DCDC1: variants seen among roughly 807,000 people sequenced by gnomAD.
DCDC1 encodes the protein doublecortin domain containing 1, also known as doublecortin domain-containing protein 1.
Under a neutral mutation model 178.3 loss-of-function variants are expected in DCDC1, and 200 were observed. The ratio of observed to expected loss-of-function variants is 1.12; its 90% CI spans 1.00 to 1.26. The LOEUF (loss-of-function observed/expected upper bound fraction) is 1.26, where lower values mean the gene tolerates loss of function less well. DCDC1 is among the 50% of genes most tolerant of loss of function. The probability of loss-of-function intolerance (pLI) is 0.00; values close to 1 mark genes in which losing one functional copy is unlikely to be tolerated. For synonymous variants in DCDC1, 690 were observed against 604.8 expected (o/e 1.14, Z -2.07); for missense variants, 1,983 against 1,749.2 (o/e 1.13, Z -2.38).
rs1368901708 is a variant in DCDC1, at chr11:31,149,674, G to A, written c.1222-11890C>T. On this transcript the variant is annotated intron_variant, in intron 9 of 38. Transcript: ENST00000684477. ...CTGCGGCTTTATTCCTGAAGTCACC[G>A]AGACAACGAACCTACCAGGAGGAAC... 3.3e-5 allele frequency among the ~76,000 whole-genome samples: 5 copies of A among 152,006 alleles called. No individual in the cohort carries two copies. In the South Asian group the frequency reaches 6.3e-4, roughly 19 times the overall value.
rs202098529 is a variant in DCDC1 at position 30,864,337 on chromosome 11, G to T, written c.*1036C>A. 5.3e-5 allele frequency: 8 copies of T among 152,290 alleles called. No individual in the cohort carries two copies. In the East Asian group the frequency reaches 1.5e-3, roughly 29 times the overall value. The allele number at this position is 152,290 out of a possible 1,614,324, so 9.4% of individuals were successfully genotyped here. On this transcript the variant is annotated 3_prime_UTR_variant, in exon 39 of 39. Transcript: ENST00000684477. ...GAAACCAATATGTATAATCATCAAA[G>T]ATATATTTTAAGGATATAAGATGTC...
chr11:31,057,301 G>C (rs978076008), intron 20 of DCDC1, among the ~76,000 whole-genome samples: 4 of 151,130 alleles, frequency 2.6e-5, no homozygotes, highest in African/African-American at 9.7e-5. Flanking sequence ...AGGAAAGAAA[G>C]AAAGAAAGAG....
intron 38 of DCDC1, among the ~76,000 whole-genome samples, chr11:30,869,266 T>C (rs1423745868): frequency 2.0e-5 from 3 of 152,224 alleles, no homozygotes; most frequent in Non-Finnish European, 4.4e-5. Flanking sequence ...GCAGATTTGT[T>C]TTATAAGAAG....
At chr11:30,922,076 C>T (rs1288716161) in intron 24 of DCDC1, among the ~76,000 whole-genome samples, 2 of 152,116 alleles carry the variant, frequency 1.3e-5, no homozygotes, top group Non-Finnish European at 2.9e-5. Flanking sequence ...CTCCAGTCAT[C>T]GACTTCAGAC....
intron 6 of DCDC1, among the ~76,000 whole-genome samples, chr11:31,298,909 T>C (rs1947897597): frequency 6.6e-6 from 1 of 152,224 alleles, no homozygotes; most frequent in African/African-American, 2.4e-5. Context: ...CTGGTAGTTG[T>C]GCAATAAATT....
chr11:31,332,144 T>C (rs1210237647), intron 2 of DCDC1, among the ~76,000 whole-genome samples: 4 of 152,224 alleles, frequency 2.6e-5, no homozygotes, highest in Non-Finnish European at 5.9e-5. Context: ...GCATTTCTTC[T>C]AGATTTTCTA....
intron 9 of DCDC1, among the ~76,000 whole-genome samples, chr11:31,171,256 A>C (rs1967197792): frequency 6.6e-6 from 1 of 152,156 alleles, no homozygotes; most frequent in African/African-American, 2.4e-5. Flanking sequence ...CCAGATAACA[A>C]GTGTTTTCAA....
At chr11:31,007,332 C>G (rs1419780369) in intron 20 of DCDC1, among the ~76,000 whole-genome samples, 1 of 152,184 alleles carries the variant, frequency 6.6e-6, no homozygotes, top group African/African-American at 2.4e-5. Context: ...GAACTTCATT[C>G]TAAGGTAAAG....
chr11:30,901,730 A>C (rs1233582611), intron 32 of DCDC1, among the ~76,000 whole-genome samples: 1 of 152,160 alleles, frequency 6.6e-6, no homozygotes, highest in Non-Finnish European at 1.5e-5. Context: ...AGAGTGTTTG[A>C]AATTGTAATT....
At chr11:31,155,011 T>C (rs934462223) in intron 9 of DCDC1, among the ~76,000 whole-genome samples, 1 of 152,230 alleles carries the variant, frequency 6.6e-6, no homozygotes, top group Non-Finnish European at 1.5e-5. Context: ...GTAACTAATA[T>C]ATAACCTCAG....
intron 6 of DCDC1, among the ~76,000 whole-genome samples, chr11:31,294,923 A>C (rs1050753848): frequency 5.9e-5 from 9 of 152,172 alleles, no homozygotes; most frequent in African/African-American, 1.2e-4. Flanking sequence ...AAAAGGGGCC[A>C]CATTGTTCAG....
chr11:31,351,786 T>C (rs1951088477), intron 1 of DCDC1, among the ~76,000 whole-genome samples: 1 of 152,182 alleles, frequency 6.6e-6, no homozygotes, highest in South Asian at 2.1e-4. Flanking sequence ...AAAGCCCTTT[T>C]GATCCCAAAG....
chr11:31,131,198 A>G (rs200506389), intron 10 of DCDC1, among the ~76,000 whole-genome samples: 1 of 25,866 alleles, frequency 3.9e-5, no homozygotes, highest in Non-Finnish European at 9.9e-5. Flanking sequence ...CAAAAAAAAA[A>G]AAAAAGAAAA....
intron 21 of DCDC1, among the ~76,000 whole-genome samples, chr11:30,934,634 C>G (rs1947157134): frequency 6.6e-6 from 1 of 152,114 alleles, no homozygotes; most frequent in African/African-American, 2.4e-5. Flanking sequence ...AGAGCAATCA[C>G]AGAGTCTTAT....
intron 20 of DCDC1, among the ~76,000 whole-genome samples, chr11:31,054,709 A>G (rs746286839): frequency 6.6e-5 from 10 of 152,224 alleles, no homozygotes; most frequent in Non-Finnish European, 1.2e-4. Flanking sequence ...GATCTTAGAC[A>G]AAGCAAACAA....
At chr11:31,002,080 G>GA in intron 20 of DCDC1, among the ~76,000 whole-genome samples, 1 of 152,258 alleles carries the variant, frequency 6.6e-6, no homozygotes. Context: ...CAATTAGCTG[G>GA]AAAATTAGTT....
At chr11:30,949,786 A>G (rs1183330670) in intron 21 of DCDC1, among the ~76,000 whole-genome samples, 14 of 151,246 alleles carry the variant, frequency 9.3e-5, no homozygotes, top group Admixed American at 7.9e-4. Context: ...GTTCTCACTC[A>G]TAAGTGGGAG....
chr11:31,253,238 ACTAT>A (rs1366952168), intron 8 of DCDC1, among the ~76,000 whole-genome samples: 1 of 152,178 alleles, frequency 6.6e-6, no homozygotes, highest in Non-Finnish European at 1.5e-5. Context: ...TTCATCTCTC[ACTAT>A]GTTTTAGGCA....
rs929904289 is a variant in DCDC1 at position 31,342,481 on chromosome 11, A to G, written c.-124-6917T>C. On this transcript the variant is annotated intron_variant, in intron 1 of 38. Coordinates refer to ENST00000684477, the MANE Select transcript of DCDC1 (RefSeq NM_001387274.1). ...TTGGCACATGGTAAACATTCAATAA[A>G]TGTCCTAATCTGCATCAAATAAGAA... Among the ~76,000 whole-genome samples the G allele has an allele frequency of 8.5e-5, 13 of 152,320 alleles. No homozygotes were observed. The South Asian group carries it at 2.7e-3, about 32-fold the overall frequency.
Sources: gnomAD v4.1 joint callset for allele counts (sites outside exome capture counted in the v4.1 genomes callset) on GRCh38, gnomAD v4.1.1 for gene constraint, MANE v1.5 for transcripts, NCBI Gene and HGNC (gene_info 2026-07-23, HGNC 2026-07-21) for gene names.